The following TTLL8 variants were observed in gnomAD, a reference collection of about 807,000 sequenced individuals.
TTLL8 encodes the protein protein monoglycylase TTLL8.
In TTLL8, 65 loss-of-function variants were observed where a neutral mutation model predicts 77.8. The observed-to-expected ratio is 0.84, with a 90% confidence interval of 0.68 to 1.03. The LOEUF is 1.03. Among genes scored for constraint, TTLL8 ranks in the 50% least tolerant of loss-of-function variants. The pLI, the probability that TTLL8 is intolerant of heterozygous loss-of-function variation, is 0.00. For synonymous variants in TTLL8, 402 were observed against 422.8 expected, an observed-to-expected ratio of 0.95 and a Z score of 0.60; for missense variants, 910 against 1,004.5, an observed-to-expected ratio of 0.91 and a Z score of 1.27.
At position 50,044,390 on chromosome 22, in the gene TTLL8, A is replaced by G. The variant is rs1273224145; in HGVS notation, c.643+865T>C. On this transcript the variant is annotated intron_variant, in intron 6 of 13. Coordinates refer to ENST00000266182, the Ensembl canonical transcript of TTLL8. The surrounding 1 kb of genome is among the most constrained non-coding windows in gnomAD (Gnocchi z 4.2). ...AGTGACCTGGTCTCCGACCAATGCAAACTACAACCTAACTCAGAATTGAAA... is the reference window on the plus strand; with the variant it reads ...AGTGACCTGGTCTCCGACCAATGCAGACTACAACCTAACTCAGAATTGAAA... Among the ~76,000 whole-genome samples the G allele has an allele frequency of 6.6e-6, 1 of 152,162 alleles. No homozygotes were observed. Among genetic ancestry groups the G allele is most frequent in the African/African-American group, 2.4e-5 (1 of 41,430 alleles).
intron 6 of TTLL8, among the ~76,000 whole-genome samples, chr22:50,045,019 G>A (rs1469706478): frequency 6.6e-6 from 1 of 152,322 alleles, no homozygotes; most frequent in African/African-American, 2.4e-5. Flanking sequence ...GGACTCGGAC[G>A]TCCCAGGGCT....
intron 8 of TTLL8, among the ~76,000 whole-genome samples, chr22:50,035,078 T>A (rs2061326422): frequency 6.6e-6 from 1 of 152,044 alleles, no homozygotes; most frequent in Non-Finnish European, 1.5e-5. Context: ...TTGAGGGGCT[T>A]TTAGAGTTCG....
At chr22:50,030,409 A>T (rs756354229) in intron 12 of TTLL8, 21 bp downstream of exon 13, 2 of 1,300,656 alleles carry the variant, frequency 1.5e-6, no homozygotes, top group African/African-American at 3.1e-5. Flanking sequence ...CCCACAGCGC[A>T]CCGCCGGCGG....
exon 12 of TTLL8, chr22:50,030,440 G>T: frequency 7.5e-7 from 1 of 1,332,360 alleles, no homozygotes. Context: ...CTTTTCCTCC[G>T]GGCGGCGGAC....
chr22:50,022,635 C>T (rs939946237), intron 12 of TTLL8, among the ~76,000 whole-genome samples: 14 of 151,594 alleles, frequency 9.2e-5, no homozygotes, highest in East Asian at 3.9e-4. Context: ...CATCTGACGA[C>T]GTGCACTCCT....
At chr22:50,038,638 C>T (rs2061351141) in intron 8 of TTLL8, among the ~76,000 whole-genome samples, 2 of 152,026 alleles carry the variant, frequency 1.3e-5, no homozygotes, top group African/African-American at 4.8e-5. Context: ...ATAGCAAGAC[C>T]CTGTCTCTAC....
chr22:50,037,356 C>T (rs1020319455), intron 8 of TTLL8, among the ~76,000 whole-genome samples: 2 of 151,740 alleles, frequency 1.3e-5, no homozygotes, highest in African/African-American at 4.8e-5. Context: ...TACAGGCACG[C>T]ACCACCGCGC....
At position 50,041,941 on chromosome 22, in the gene TTLL8, C is replaced by T. The variant is rs2061374228; in HGVS notation, c.644-134G>A. 1.3e-6 allele frequency: 1 copy of T among 786,668 alleles called. No individual in the cohort carries two copies. The highest frequency in any genetic ancestry group is 1.7e-6 in the Non-Finnish European group (1 of 574,222). 48.7% of individuals were successfully genotyped at this position (786,668 alleles called of 1,614,324 possible). A position where few individuals can be genotyped will look rare whatever the true frequency, so the allele number is the denominator to read the frequency against. ...TGTGCCCCAATACCCAACAAGTATC[C>T]CAGATCCCCAGACAGGCACCCCAAT... On this transcript the variant is annotated intron_variant, in intron 6 of 13. Transcript: ENST00000266182. The surrounding 1 kb of genome is among the most constrained non-coding windows in gnomAD (Gnocchi z 4.3).
upstream of TTLL8, among the ~76,000 whole-genome samples, chr22:50,056,156 G>A (rs2061469567): frequency 6.6e-6 from 1 of 152,134 alleles, no homozygotes; most frequent in Non-Finnish European, 1.5e-5. The surrounding 1 kb of genome is among the most constrained non-coding windows in gnomAD (Gnocchi z 4.1). Flanking sequence ...TGACTGACAA[G>A]GCCACATCCA....
chr22:50,019,208 G>A (rs2061181666), intron 12 of TTLL8, among the ~76,000 whole-genome samples: 1 of 152,158 alleles, frequency 6.6e-6, no homozygotes, highest in African/African-American at 2.4e-5. Flanking sequence ...AACAGAGTCT[G>A]TAACCTCCAA....
chr22:50,045,121 G>A (rs977137364), intron 6 of TTLL8, 134 bp downstream of exon 8: 1 of 1,015,726 alleles, frequency 9.8e-7, no homozygotes, highest in Admixed American at 3.5e-5. Flanking sequence ...AGAATCGAGA[G>A]AGTCTGAGGC....
chr22:50,031,958 T>C, exon 11 of TTLL8: 13 of 1,366,834 alleles, frequency 9.5e-6, no homozygotes, highest in Non-Finnish European at 1.3e-5. Flanking sequence ...GACGGGTAGA[T>C]GACGCTGCCC....
At chr22:50,023,092 C>A (rs1424087835) in intron 12 of TTLL8, among the ~76,000 whole-genome samples, 5 of 152,180 alleles carry the variant, frequency 3.3e-5, no homozygotes, top group African/African-American at 1.2e-4. Context: ...CAGGGCATTT[C>A]GCACATTTTA....
At chr22:50,045,790 CA>C (rs1007875744) in intron 5 of TTLL8, 65 bp downstream of exon 7, 26 of 1,280,824 alleles carry the variant, frequency 2.0e-5, no homozygotes, top group Admixed American at 2.4e-5. Flanking sequence ...GTCTCAGCAC[CA>C]GGGGGATCTT....
rs770892882 is a variant in TTLL8 at position 50,031,700 on chromosome 22, G to A, written c.1693C>T (p.Leu565Phe). Residue 565 changes from leucine (L) to phenylalanine (F), a missense_variant, in exon 11 of 14, where the codon CTC becomes TTC. Transcript: ENST00000266182. Reference sequence around the variant, plus strand: ...GCGTGGCTCACCTGCCTCCACAGGAGCTCGAAGTTGCCGATGTCACAGCTG... The same window carrying A: ...GCGTGGCTCACCTGCCTCCACAGGAACTCGAAGTTGCCGATGTCACAGCTG... The A allele has an allele frequency of 2.3e-6, 3 of 1,307,616 alleles. 1 individual carries two copies. The highest frequency in any genetic ancestry group is 1.5e-5 in the African/African-American group (1 of 66,882). 81.0% of individuals were successfully genotyped at this position (1,307,616 alleles called of 1,614,324 possible). A position where few individuals can be genotyped will look rare whatever the true frequency, so the allele number is the denominator to read the frequency against.
At chr22:50,036,890 G>A (rs966035330) in intron 8 of TTLL8, among the ~76,000 whole-genome samples, 5 of 152,146 alleles carry the variant, frequency 3.3e-5, no homozygotes, top group Admixed American at 1.3e-4. Flanking sequence ...GAGCCGCCGC[G>A]CCCAGCCAGT....
At chr22:50,023,562 G>A (rs1281153986) in intron 12 of TTLL8, among the ~76,000 whole-genome samples, 2 of 152,068 alleles carry the variant, frequency 1.3e-5, no homozygotes, top group Non-Finnish European at 2.9e-5. Context: ...GTGTGCGCCT[G>A]TCATCCCAGC....
At chr22:50,057,605 GAGC>G (rs1486367622), upstream of TTLL8, among the ~76,000 whole-genome samples, 10 of 83,732 alleles carry the variant, frequency 1.2e-4, 3 homozygotes, top group East Asian at 1.1e-3. Context: ...GGTTTGGGTT[GAGC>G]GGGAGGTCTG....
intron 1 of TTLL8, among the ~76,000 whole-genome samples, chr22:50,051,646 C>G (rs555073544): frequency 2.8e-4 from 43 of 152,276 alleles, no homozygotes; most frequent in Middle Eastern, 6.8e-3. Flanking sequence ...AGTTTATATT[C>G]CCACCAGCAG....
Sources: allele counts gnomAD v4.1 joint callset (sites outside exome capture counted in the v4.1 genomes callset), GRCh38; gene constraint gnomAD v4.1.1; non-coding constraint Gnocchi (gnomAD v3.1); transcripts MANE v1.5; gene names NCBI Gene and HGNC (gene_info 2026-07-23, HGNC 2026-07-21).